UGT1A10: variants seen among roughly 807,000 people sequenced by gnomAD.
UGT1A10 encodes UDP glucuronosyltransferase family 1 member A10, also known as UDP-glucuronosyltransferase 1A10.
Under a neutral mutation model 45.8 loss-of-function variants are expected in UGT1A10, and 49 were observed. That is an observed-to-expected ratio of 1.07 (90% CI 0.85 to 1.36). UGT1A10 has a LOEUF of 1.36. Ranked by LOEUF, UGT1A10 falls within the 40% of genes most tolerant of loss-of-function variation. UGT1A10 has a pLI of 0.00. For synonymous variants in UGT1A10, 284 were observed against 249.7 expected (o/e 1.14, Z -1.29); for missense variants, 745 against 668.6 (o/e 1.11, Z -1.26).
chr2:233,739,303 T>C (rs1302009262), intron 1 of UGT1A10, among the ~76,000 whole-genome samples: 34 of 152,248 alleles, frequency 2.2e-4, no homozygotes, highest in Non-Finnish European at 1.2e-4. Context: ...GGGCACTGCC[T>C]AGTGGAGTTG....
At chr2:233,733,101 G>T (rs1559378148) in intron 1 of UGT1A10, among the ~76,000 whole-genome samples, 1 of 151,784 alleles carries the variant, frequency 6.6e-6, no homozygotes, top group Non-Finnish European at 1.5e-5. Flanking sequence ...TCATGGTTTG[G>T]CTCTGTTTGT....
At chr2:233,645,100 C>A (rs2073564427) in intron 1 of UGT1A10, among the ~76,000 whole-genome samples, 1 of 152,160 alleles carries the variant, frequency 6.6e-6, no homozygotes, top group Non-Finnish European at 1.5e-5. Flanking sequence ...CTTTAAAAAA[C>A]AATCCCTTAC....
intron 1 of UGT1A10, chr2:233,743,987 G>A (rs576123874): frequency 1.6e-6 from 2 of 1,278,832 alleles, no homozygotes; most frequent in East Asian, 4.9e-5. Flanking sequence ...CCAGGCGCAG[G>A]CCCGAGTGCT....
At chr2:233,690,981 C>T in intron 1 of UGT1A10, 5 of 997,484 alleles carry the variant, frequency 5.0e-6, no homozygotes, top group Non-Finnish European at 6.0e-6. Flanking sequence ...ACAGGACCCA[C>T]ATATGAGCAA....
intron 1 of UGT1A10, chr2:233,648,802 ATCT>A: frequency 3.2e-6 from 3 of 948,774 alleles, no homozygotes; most frequent in Admixed American, 3.7e-5. Flanking sequence ...AAGGAACCAC[ATCT>A]TCTACTTAGA....
chr2:233,737,322 T>C (rs904493315), intron 1 of UGT1A10, among the ~76,000 whole-genome samples: 1 of 152,214 alleles, frequency 6.6e-6, no homozygotes, highest in Admixed American at 6.5e-5. Flanking sequence ...ACTGCTGCAC[T>C]AGCAGTGAGC....
At chr2:233,704,861 C>T (rs1011021792) in intron 1 of UGT1A10, among the ~76,000 whole-genome samples, 8 of 152,100 alleles carry the variant, frequency 5.3e-5, no homozygotes, top group East Asian at 1.9e-4. Flanking sequence ...GGGCCGGGCA[C>T]GGTGGCTCAC....
At chr2:233,672,740 T>C in intron 1 of UGT1A10, 2 of 1,613,942 alleles carry the variant, frequency 1.2e-6, no homozygotes, top group African/African-American at 1.3e-5. Context: ...ATGCCCAACA[T>C]GATCTTCATT....
At chr2:233,719,495 T>C (rs749585950) in intron 1 of UGT1A10, 5 of 1,613,994 alleles carry the variant, frequency 3.1e-6, no homozygotes, top group Non-Finnish European at 4.2e-6. Context: ...ACATTTGCCA[T>C]ACTTTTTCTG....
At chr2:233,664,118 C>T (rs1279265560) in intron 1 of UGT1A10, among the ~76,000 whole-genome samples, 2 of 152,152 alleles carry the variant, frequency 1.3e-5, no homozygotes, top group Non-Finnish European at 2.9e-5. Context: ...TAAGGCATAG[C>T]AAGGGTGACC....
At chr2:233,717,961 C>T (rs1265478221) in intron 1 of UGT1A10, 1 of 449,854 alleles carries the variant, frequency 2.2e-6, no homozygotes, top group Non-Finnish European at 4.5e-6. Context: ...AAGACTGGAG[C>T]CTTTGGCATT....
rs1314129216 is a variant in UGT1A10, at chr2:233,719,046, A to T, written c.856-47988A>T. ...GCACATCAAAGAAGAGAAATTTTTC[A>T]CCCTGACAGCCTATGCTGTTCCATG... On this transcript the variant is annotated intron_variant, in intron 1 of 4. Coordinates refer to ENST00000344644, the MANE Select transcript of UGT1A10 (RefSeq NM_019075.4). 6.2e-7 allele frequency: 1 copy of T among 1,614,250 alleles called. No individual in the cohort carries two copies. Among genetic ancestry groups the T allele is most frequent in the Non-Finnish European group, 8.5e-7 (1 of 1,180,040 alleles).
intron 1 of UGT1A10, among the ~76,000 whole-genome samples, chr2:233,688,409 C>T (rs1559343173): frequency 6.6e-6 from 1 of 152,202 alleles, no homozygotes; most frequent in East Asian, 1.9e-4. Context: ...AATTTTCGAG[C>T]CCATGTGCCT....
intron 1 of UGT1A10, chr2:233,755,945 TC>T (rs1469845586): frequency 6.6e-6 from 1 of 152,216 alleles, no homozygotes; most frequent in African/African-American, 2.4e-5. Context: ...TTTGCATCTC[TC>T]TCTTTAGTAC....
chr2:233,653,974 C>T (rs1489914653), intron 1 of UGT1A10, among the ~76,000 whole-genome samples: 3 of 152,318 alleles, frequency 2.0e-5, no homozygotes, highest in South Asian at 2.1e-4. Context: ...AACATTTGTA[C>T]GTACATGCCT....
At chr2:233,697,515 TA>T (rs536054033) in intron 1 of UGT1A10, among the ~76,000 whole-genome samples, 97 of 150,120 alleles carry the variant, frequency 6.5e-4, no homozygotes, top group South Asian at 1.3e-3. Context: ...TTTTTTTTTT[TA>T]AAAAACTTTT....
At chr2:233,742,757 A>G (rs968540830) in intron 1 of UGT1A10, 1 of 153,060 alleles carries the variant, frequency 6.5e-6, no homozygotes, top group African/African-American at 2.4e-5. Flanking sequence ...AAATATTAAG[A>G]TAATAAATGC....
At chr2:233,648,114 T>C in intron 1 of UGT1A10, 1 of 1,436,166 alleles carries the variant, frequency 7.0e-7, no homozygotes, top group Non-Finnish European at 9.4e-7. Context: ...TCATGGCTTT[T>C]GCCAATGCTC....
intron 1 of UGT1A10, among the ~76,000 whole-genome samples, chr2:233,661,631 C>CTTTCTTTA (rs1389850136): frequency 1.1e-4 from 14 of 122,414 alleles, no homozygotes; most frequent in East Asian, 4.3e-4. Flanking sequence ...AATTTTCTTT[C>CTTTCTTTA]TTTCTTTCTT....
Sources: allele counts gnomAD v4.1 joint callset (sites outside exome capture counted in the v4.1 genomes callset), GRCh38; gene constraint gnomAD v4.1.1; transcripts MANE v1.5; gene names NCBI Gene and HGNC (gene_info 2026-07-23, HGNC 2026-07-21).